WDHD1: variants seen among roughly 807,000 people sequenced by gnomAD.
The protein encoded by WDHD1 is WD repeat and HMG-box DNA-binding protein 1.
Under a neutral mutation model 135.4 loss-of-function variants are expected in WDHD1, and 111 were observed. The ratio of observed to expected loss-of-function variants is 0.82; its 90% CI spans 0.70 to 0.96. The LOEUF (loss-of-function observed/expected upper bound fraction) is 0.96. Ranked by LOEUF, WDHD1 falls within the 40% of genes least tolerant of loss-of-function variation. WDHD1 has a pLI of 0.00. For missense variants in WDHD1, 1,351 were observed against 1,336.3 expected (o/e 1.01, Z -0.17); for synonymous variants, 434 against 439.0 (o/e 0.99, Z 0.14).
At position 55,008,731 on chromosome 14, in the gene WDHD1, AAG is replaced by A. The variant is rs776961781; in HGVS notation, c.342-14_342-13del. 2 of 1,578,110 alleles carry A rather than the reference AAG, an allele frequency of 1.3e-6. No homozygotes were observed. Among genetic ancestry groups the A allele is most frequent in the South Asian group, 1.1e-5 (1 of 87,944 alleles). On this transcript the variant is annotated splice_polypyrimidine_tract_variant and intron_variant, in intron 4 of 25. Coordinates refer to ENST00000360586, the MANE Select transcript of WDHD1 (RefSeq NM_007086.4). ...TGACTAGAAAATCACTAAGAACAAA[AAG>A]AGTAACGCAAATGAATAAATGCTAA...
rs140172495 is a variant in WDHD1, at chr14:54,952,787, A to G, written c.3050+2774T>C. On this transcript the variant is annotated intron_variant, in intron 24 of 25. Transcript: ENST00000360586. ...GGTACCAAAACAGAGATACAGACCAATGGAACAGAACAGAGCCCTCAGAAA... is the reference window on the plus strand; with the variant it reads ...GGTACCAAAACAGAGATACAGACCAGTGGAACAGAACAGAGCCCTCAGAAA... Among the ~76,000 whole-genome samples the G allele has an allele frequency of 1.4e-4, 22 of 152,338 alleles. No individual in the cohort carries two copies. The East Asian group carries it at 4.2e-3, about 29-fold the overall frequency.
chr14:54,993,888 T>C (rs1275146775), intron 11 of WDHD1, among the ~76,000 whole-genome samples: 1 of 152,250 alleles, frequency 6.6e-6, no homozygotes, highest in Non-Finnish European at 1.5e-5. Context: ...TCTGTATAAA[T>C]AAATGCTCTC....
intron 2 of WDHD1, among the ~76,000 whole-genome samples, chr14:55,015,502 T>C (rs529709551): frequency 6.6e-6 from 1 of 151,818 alleles, no homozygotes; most frequent in South Asian, 2.1e-4. Flanking sequence ...GTTAAATCTG[T>C]AAAATGACTA....
At chr14:54,976,727 A>G (rs1188870919) in intron 16 of WDHD1, among the ~76,000 whole-genome samples, 1 of 152,116 alleles carries the variant, frequency 6.6e-6, no homozygotes, top group Non-Finnish European at 1.5e-5. Flanking sequence ...ATTTAAGGCT[A>G]TATACCAAAA....
chr14:54,980,046 C>G (rs1452518842), intron 16 of WDHD1, among the ~76,000 whole-genome samples: 1 of 152,164 alleles, frequency 6.6e-6, no homozygotes, highest in African/African-American at 2.4e-5. Flanking sequence ...ACAATTCAGC[C>G]AGGCACAGTG....
intron 2 of WDHD1, among the ~76,000 whole-genome samples, chr14:55,016,421 TAC>T (rs1209603102): frequency 1.3e-5 from 2 of 152,228 alleles, no homozygotes; most frequent in Non-Finnish European, 2.9e-5. Context: ...ACCACGGGGC[TAC>T]AGTCATACTA....
At chr14:55,023,027 C>T (rs1344000458) in intron 2 of WDHD1, among the ~76,000 whole-genome samples, 2 of 151,848 alleles carry the variant, frequency 1.3e-5, no homozygotes, top group Non-Finnish European at 2.9e-5. Flanking sequence ...GGTTTCAACA[C>T]GTTGGGCATG....
intron 11 of WDHD1, among the ~76,000 whole-genome samples, 184 bp from the exon 12 acceptor site, chr14:54,991,584 TGCCTTG>T (rs1350803358): frequency 6.6e-6 from 1 of 152,226 alleles, no homozygotes; most frequent in Non-Finnish European, 1.5e-5. Context: ...AAATTCCTGG[TGCCTTG>T]GCACCAATCA....
intron 2 of WDHD1, among the ~76,000 whole-genome samples, chr14:55,017,966 C>T (rs2042287053): frequency 2.0e-5 from 3 of 151,800 alleles, no homozygotes; most frequent in Non-Finnish European, 4.4e-5. Context: ...TACAGAAAAA[C>T]TACTAGACCT....
At chr14:55,017,190 C>A (rs748912499) in intron 2 of WDHD1, among the ~76,000 whole-genome samples, 2 of 152,092 alleles carry the variant, frequency 1.3e-5, no homozygotes, top group South Asian at 4.1e-4. Flanking sequence ...AATACAAATA[C>A]AAACTTTGGC....
intron 3 of WDHD1, 57 bp downstream of exon 3, chr14:55,013,428 C>T (rs751880297): frequency 5.2e-5 from 61 of 1,180,060 alleles, no homozygotes; most frequent in Non-Finnish European, 7.3e-5. Context: ...TTCACTCAAG[C>T]ATAAAAATCA....
At chr14:54,953,109 G>A (rs1241951615) in intron 24 of WDHD1, among the ~76,000 whole-genome samples, 1 of 152,110 alleles carries the variant, frequency 6.6e-6, no homozygotes, top group Admixed American at 6.6e-5. Context: ...GGCAACAAAA[G>A]CCAAAATTGA....
chr14:55,003,811 G>A (rs1377209962), intron 7 of WDHD1, among the ~76,000 whole-genome samples: 2 of 151,784 alleles, frequency 1.3e-5, no homozygotes, highest in Non-Finnish European at 1.5e-5. Context: ...GGATCCACTC[G>A]CCTCAGCCTC....
chr14:54,985,494 A>G (rs976942079), intron 14 of WDHD1, among the ~76,000 whole-genome samples: 2 of 152,178 alleles, frequency 1.3e-5, no homozygotes, highest in Non-Finnish European at 2.9e-5. Flanking sequence ...GTAAGAGATG[A>G]GGTTGGAGAG....
intron 10 of WDHD1, 88 bp downstream of exon 10, chr14:55,000,414 CA>C: frequency 7.5e-7 from 1 of 1,335,862 alleles, no homozygotes; most frequent in South Asian, 2.3e-5. Flanking sequence ...GGTAATTTTC[CA>C]AGAAAGTAAG....
At chr14:54,945,488 A>G (rs1417437119) in intron 24 of WDHD1, among the ~76,000 whole-genome samples, 1 of 152,212 alleles carries the variant, frequency 6.6e-6, no homozygotes, top group African/African-American at 2.4e-5. Context: ...CCCAGGTTAC[A>G]CAAACAGTAA....
At position 54,995,710 on chromosome 14, in the gene WDHD1, A is replaced by G. The variant is rs770838567; in HGVS notation, c.1046T>C (p.Phe349Ser). The G allele has an allele frequency of 6.2e-7, 1 of 1,613,750 alleles. No individual in the cohort carries two copies. The highest frequency in any genetic ancestry group is 8.5e-7 in the Non-Finnish European group (1 of 1,179,860). ...LNDNAVEIPS[F>S]SKGIINDDED... The stretch of plus-strand genomic sequence containing the variant: ...ATCATCATTTATAATCCCTTTTGAA[A>G]AAGAAGGGATCTCAACTGCATTGTC... The change falls in exon 11 of 26, where the codon TTT becomes TCT. Residue 349 changes from phenylalanine to serine, a missense_variant. This residue lies in a region of WDHD1 where 1,330 missense variants were observed against 1,296.1 expected (regional missense o/e 1.03). Coordinates refer to ENST00000360586, the MANE Select transcript of WDHD1 (RefSeq NM_007086.4).
intron 8 of WDHD1, 149 bp downstream of exon 8, chr14:55,001,941 TGAA>T: frequency 3.3e-6 from 2 of 607,796 alleles, no homozygotes; most frequent in Non-Finnish European, 5.8e-6. Context: ...ATTGATCAAA[TGAA>T]GAAAGGATGA....
chr14:54,957,263 A>C, intron 22 of WDHD1, 59 bp from the exon 23 acceptor site: 2 of 1,521,722 alleles, frequency 1.3e-6, no homozygotes, highest in Non-Finnish European at 1.8e-6. Context: ...AAATCCCAAG[A>C]GACTTATTTT....
Sources: allele counts gnomAD v4.1 joint callset (sites outside exome capture counted in the v4.1 genomes callset), GRCh38; gene constraint gnomAD v4.1.1; regional missense constraint gnomAD v4.1.1; transcripts MANE v1.5; gene names NCBI Gene and HGNC (gene_info 2026-07-23, HGNC 2026-07-21).